Variants in PIK3C3 observed in about 807,000 individuals in gnomAD.
PIK3C3 encodes phosphatidylinositol 3-kinase catalytic subunit type 3.
A neutral mutation model predicts 126.1 loss-of-function variants in PIK3C3; 95 were observed. The observed-to-expected ratio is 0.75, with a 90% CI of 0.64 to 0.89. The LOEUF is 0.89. Among genes scored for constraint, PIK3C3 ranks in the 40% least tolerant of loss-of-function variants. The pLI, the probability that PIK3C3 is intolerant of heterozygous loss-of-function variation, is 0.00. For missense variants in PIK3C3, 829 were observed against 1,063.2 expected, an observed-to-expected ratio of 0.78 and a Z score of 3.06; for synonymous variants, 374 against 360.0, an observed-to-expected ratio of 1.04 and a Z score of -0.44.
At chr18:42,045,798 T>C (rs962847224) in intron 20 of PIK3C3, among the ~76,000 whole-genome samples, 1 of 152,188 alleles carries the variant, frequency 6.6e-6, no homozygotes, top group African/African-American at 2.4e-5. Flanking sequence ...ATGAGGTGTT[T>C]TATATACCCC....
chr18:42,063,205 A>C (rs1985395163), intron 22 of PIK3C3, among the ~76,000 whole-genome samples: 1 of 152,096 alleles, frequency 6.6e-6, no homozygotes. Flanking sequence ...TAAATCTTTT[A>C]ATCAAGCAGA....
At chr18:41,992,006 G>A (rs1330102084) in intron 6 of PIK3C3, among the ~76,000 whole-genome samples, 7 of 152,112 alleles carry the variant, frequency 4.6e-5, no homozygotes, top group African/African-American at 1.7e-4. Flanking sequence ...TAATGGAGAT[G>A]GTACTTTCAA....
In PIK3C3 at chr18:41,958,228, G is replaced by A. The variant is rs555667057; in HGVS notation, c.257+470G>A. Among the ~76,000 whole-genome samples, 12 of 152,160 alleles carry A rather than the reference G, an allele frequency of 7.9e-5. No homozygotes were observed. The East Asian group carries it at 2.1e-3, about 27-fold the overall frequency. On this transcript the variant is annotated intron_variant, in intron 2 of 24. Coordinates refer to ENST00000262039, the MANE Select transcript of PIK3C3 (RefSeq NM_002647.4). ...TTTAGATTCATAGTTTATTCAGCATGGCACATTAGCAAGACCTTGTCAAGA... is the reference window on the plus strand; with the variant it reads ...TTTAGATTCATAGTTTATTCAGCATAGCACATTAGCAAGACCTTGTCAAGA...
intron 13 of PIK3C3, among the ~76,000 whole-genome samples, chr18:42,024,922 G>T (rs920351489): frequency 1.3e-5 from 2 of 151,400 alleles, no homozygotes; most frequent in African/African-American, 4.9e-5. Context: ...TTCTGCCTCA[G>T]CCTCCCGAGC....
intron 4 of PIK3C3, among the ~76,000 whole-genome samples, chr18:41,983,060 A>G (rs890653248): frequency 6.6e-6 from 1 of 152,188 alleles, no homozygotes; most frequent in African/African-American, 2.4e-5. Context: ...GTTTTTAGAC[A>G]ACTTACTTGG....
At chr18:42,037,434 C>G (rs1984105073) in intron 16 of PIK3C3, among the ~76,000 whole-genome samples, 1 of 152,106 alleles carries the variant, frequency 6.6e-6, no homozygotes, top group Non-Finnish European at 1.5e-5. Flanking sequence ...CCAGCGAGTA[C>G]CTGGGAGAGC....
chr18:42,076,089 C>CATATATATATATATATGCACAT (rs1985963246), intron 24 of PIK3C3, among the ~76,000 whole-genome samples: 2 of 54,660 alleles, frequency 3.7e-5, no homozygotes, highest in Non-Finnish European at 6.6e-5. Context: ...CTTTACCTTG[C>CATATATATATATATATGCACAT]ATATATATAT....
intron 24 of PIK3C3, among the ~76,000 whole-genome samples, chr18:42,072,108 AG>A (rs1360868051): frequency 6.6e-6 from 1 of 152,232 alleles, no homozygotes; most frequent in Non-Finnish European, 1.5e-5. Context: ...TAAATCACAT[AG>A]GCATTCAAAT....
intron 2 of PIK3C3, among the ~76,000 whole-genome samples, chr18:41,960,006 G>T (rs1258132264): frequency 1.3e-5 from 2 of 152,178 alleles, no homozygotes; most frequent in East Asian, 1.9e-4. Context: ...GAAGAAATTA[G>T]ATCATAAAGG....
At position 41,962,630 on chromosome 18, in the gene PIK3C3, CG is replaced by C. The variant is rs1161372815; in HGVS notation, c.401+1del. On this transcript the variant is annotated frameshift_variant and splice_region_variant, in exon 3 of 25. Transcript: ENST00000262039. LOFTEE classifies it high-confidence loss of function. ...GTTVSLFGKY[G>X]MFRQGMHDLK... ...CAACGGTTTCGCTCTTTGGAAAATA[CG>C]GGTAAGCATTCTGTTGGTCTCATCT... 11 of 1,608,810 alleles carry C rather than the reference CG, an allele frequency of 6.8e-6. No individual in the cohort carries two copies. The highest frequency in any genetic ancestry group is 9.3e-6 in the Non-Finnish European group (11 of 1,177,138).
In PIK3C3 at chr18:42,082,085, C is replaced by T. The variant is rs1244326549; in HGVS notation, c.*948C>T. 6.6e-6 allele frequency: 1 copy of T among 152,090 alleles called. No homozygotes were observed. Among genetic ancestry groups the T allele is most frequent in the Admixed American group, 6.6e-5 (1 of 15,262 alleles). 9.4% of individuals were successfully genotyped at this position (152,090 alleles called of 1,614,324 possible). A position where few individuals can be genotyped will look rare whatever the true frequency, so the allele number is the denominator to read the frequency against. ...TGTCTTTTAAGACTAGAACTAATCC[C>T]TCTAGCTTTTTTACTGGAACTTTGG... On this transcript the variant is annotated 3_prime_UTR_variant, in exon 25 of 25. Coordinates refer to ENST00000262039, the MANE Select transcript of PIK3C3 (RefSeq NM_002647.4).
rs772295730 is a variant in PIK3C3 at position 42,043,744 on chromosome 18, A to G, written c.2115A>G (p.Arg705=). 1.9e-6 allele frequency: 3 copies of G among 1,610,228 alleles called. 1 individual carries two copies. In the South Asian group the frequency reaches 3.3e-5, roughly 18 times the overall value. ...DTEGSIQNFF[R]KYAPSENGPN... Reference sequence around the variant, plus strand: ...TAATGTCTTTTCAGAACTTTTTTAGAAAATATGCACCAAGTGAGAATGGGC... The same window carrying G: ...TAATGTCTTTTCAGAACTTTTTTAGGAAATATGCACCAAGTGAGAATGGGC... The change falls in exon 20 of 25, where the codon AGA becomes AGG. Residue 705 remains arginine (R), a synonymous_variant. Coordinates refer to ENST00000262039, the MANE Select transcript of PIK3C3 (RefSeq NM_002647.4).
At chr18:42,065,467 T>A (rs1453722747) in intron 23 of PIK3C3, among the ~76,000 whole-genome samples, 1 of 152,206 alleles carries the variant, frequency 6.6e-6, no homozygotes, top group Non-Finnish European at 1.5e-5. Context: ...AAATGAAATA[T>A]TAATTGGGTA....
At chr18:42,025,128 A>T (rs1378147854) in intron 13 of PIK3C3, among the ~76,000 whole-genome samples, 1 of 152,154 alleles carries the variant, frequency 6.6e-6, no homozygotes, top group Non-Finnish European at 1.5e-5. Context: ...TATTTTCAAT[A>T]ACAGGAAATG....
chr18:42,036,756 T>C (rs745419671), intron 16 of PIK3C3, among the ~76,000 whole-genome samples: 1 of 150,920 alleles, frequency 6.6e-6, no homozygotes, highest in Admixed American at 6.6e-5. Context: ...ATTTGAGATC[T>C]CCTCTCATTT....
At chr18:42,014,253 C>G (rs867613472) in intron 11 of PIK3C3, among the ~76,000 whole-genome samples, 50 of 146,972 alleles carry the variant, frequency 3.4e-4, no homozygotes, top group African/African-American at 1.3e-3. Flanking sequence ...AATAGAAGGA[C>G]GGAGCATGCT....
At chr18:42,057,683 C>T (rs532162801) in intron 21 of PIK3C3, 200 bp from the exon 22 acceptor site, 16 of 517,752 alleles carry the variant, frequency 3.1e-5, no homozygotes, top group African/African-American at 4.0e-5. Context: ...TTCGTGTGAA[C>T]GAATGAGTTA....
At chr18:41,963,679 T>C (rs2144297385) in intron 3 of PIK3C3, among the ~76,000 whole-genome samples, 1 of 152,342 alleles carries the variant, frequency 6.6e-6, no homozygotes, top group South Asian at 2.1e-4. Flanking sequence ...AAAAATGTTA[T>C]TTAATTTTTA....
intron 24 of PIK3C3, among the ~76,000 whole-genome samples, chr18:42,074,648 TATAAG>T (rs1985906961): frequency 6.6e-6 from 1 of 152,190 alleles, no homozygotes; most frequent in African/African-American, 2.4e-5. Flanking sequence ...GTATGTTAAA[TATAAG>T]TACAGATCTT....
Sources: allele counts gnomAD v4.1 joint callset (sites outside exome capture counted in the v4.1 genomes callset), GRCh38; gene constraint gnomAD v4.1.1; transcripts MANE v1.5; gene names NCBI Gene and HGNC (gene_info 2026-07-23, HGNC 2026-07-21).